The following NEBL variants were observed in gnomAD, a reference collection of about 807,000 sequenced individuals.
NEBL encodes the protein nebulette.
NEBL carries 122 observed loss-of-function variants against 140.2 expected under a neutral mutation model. The observed-to-expected ratio is 0.87, with a 90% CI of 0.75 to 1.01. NEBL has a LOEUF of 1.01. Ranked by LOEUF, NEBL falls within the 50% of genes least tolerant of loss-of-function variation. The pLI, the probability that NEBL is intolerant of heterozygous loss-of-function variation, is 0.00. For missense variants in NEBL, 1,365 were observed against 1,231.3 expected (o/e 1.11, Z -1.62); for synonymous variants, 436 against 398.9 (o/e 1.09, Z -1.11).
At chr10:20,826,094 A>G (rs1317316678) in intron 18 of NEBL, among the ~76,000 whole-genome samples, 2 of 152,202 alleles carry the variant, frequency 1.3e-5, no homozygotes, top group African/African-American at 4.8e-5. Context: ...TGTATCAGGG[A>G]AAAATTTCTT....
chr10:21,061,958 T>C (rs1424737223), intron 2 of NEBL, among the ~76,000 whole-genome samples: 1 of 152,228 alleles, frequency 6.6e-6, no homozygotes, highest in Admixed American at 6.5e-5. Context: ...ACATGTCTGC[T>C]TCTGCAGGCT....
chr10:20,817,667 C>A lies in NEBL; in HGVS notation c.2081G>T (p.Arg694Leu). ...SAVKYKGELQ[R>L]GTAISDPPEL... is the part of the protein sequence containing the mutation. The stretch of plus-strand genomic sequence containing the variant: ...TGGTGGATCAGAAATTGCAGTTCCC[C>A]GTTGAAGTTCTCCCTTATATTTTAC... Residue 694 changes from arginine to leucine, a missense_variant, in exon 21 of 28, where the codon CGG becomes CTG. By Grantham distance (102) the Arg-to-Leu change is moderately radical (BLOSUM62 -2). Transcript: ENST00000377122. 1 of 1,613,476 alleles carries A rather than the reference C, an allele frequency of 6.2e-7. No homozygotes were observed. Among genetic ancestry groups the A allele is most frequent in the Non-Finnish European group, 8.5e-7 (1 of 1,179,502 alleles).
In NEBL at chr10:21,233,481, A is replaced by G. The variant is rs545843835; in HGVS notation, n.348+14440T>C. ...ATACTAACACACATCCAGCAGAGATATAGATAAATGTATGCATACATAACT... is the reference window on the plus strand; with the variant it reads ...ATACTAACACACATCCAGCAGAGATGTAGATAAATGTATGCATACATAACT... On this transcript the variant is annotated intron_variant and non_coding_transcript_variant, in intron 3 of 8. Transcript: ENST00000675702. 2.0e-5 allele frequency among the ~76,000 whole-genome samples: 3 copies of G among 151,908 alleles called. No homozygotes were observed. The Admixed American group carries it at 2.0e-4, about 10-fold the overall frequency.
Position 20,933,784 on chromosome 10 carries a change from C to T in NEBL, c.357+27888G>A, listed in dbSNP as rs183680631. ...CATAAGAAAATACAATAAAGCCTCA[C>T]GGTTTGGTGAATTCAGATACAACAC... On this transcript the variant is annotated intron_variant, in intron 4 of 6. Coordinates refer to the NEBL transcript ENST00000417816. 5.3e-5 allele frequency among the ~76,000 whole-genome samples: 8 copies of T among 152,176 alleles called. No homozygotes were observed. The East Asian group carries it at 5.8e-4, about 11-fold the overall frequency.
intron 3 of NEBL, among the ~76,000 whole-genome samples, chr10:21,002,455 G>A (rs370266379): frequency 3.2e-4 from 49 of 152,210 alleles, no homozygotes; most frequent in African/African-American, 1.2e-3. Context: ...TTTTATTACA[G>A]AAATAAATTC....
intron 3 of NEBL, among the ~76,000 whole-genome samples, chr10:20,992,765 C>CTTTTTTTTTTTTTTTTTT (rs35627113): frequency 1.9e-5 from 1 of 52,452 alleles, no homozygotes; most frequent in African/African-American, 8.5e-5. Flanking sequence ...ACTACAAAGT[C>CTTTTTTTTTTTTTTTTTT]TTTTTTTTTT....
At position 21,034,943 on chromosome 10, in the gene NEBL, CTTATTTATTTAT is replaced by C. The variant is rs199827432; in HGVS notation, c.165-14754_165-14743del. ...GCCCAGCATGCACTAGCTATTTATT[CTTATTTATTTAT>C]TTATTTATTTATTTATTTATTTATT... On this transcript the variant is annotated intron_variant, in intron 2 of 6. Coordinates refer to the NEBL transcript ENST00000417816. Among the ~76,000 whole-genome samples the C allele has an allele frequency of 4.3e-3, 619 of 142,316 alleles. 7 individuals carry two copies. The highest frequency in any genetic ancestry group is 0.012 in the African/African-American group (449 of 38,304). The allele number at this position is 142,316 out of a possible 152,430, so 93.4% of individuals were successfully genotyped here.
chr10:21,103,042 T>G (rs1423877515), intron 2 of NEBL, among the ~76,000 whole-genome samples: 3 of 142,992 alleles, frequency 2.1e-5, no homozygotes, highest in African/African-American at 7.7e-5. Context: ...GGCACACATA[T>G]GTTTTTATTT....
At chr10:20,814,848 C>G (rs1838564897) in intron 22 of NEBL, among the ~76,000 whole-genome samples, 1 of 152,156 alleles carries the variant, frequency 6.6e-6, no homozygotes, top group Non-Finnish European at 1.5e-5. Context: ...GCAGCCACAA[C>G]TTAAAGGTAA....
In NEBL at chr10:20,823,295, T is replaced by C; in HGVS notation, c.1875A>G (p.Lys625=). Residue 625 remains lysine (K), a synonymous_variant, in exon 19 of 28, where the codon AAA becomes AAG. Transcript: ENST00000377122. ...TTGCATGTTTAATCTCTTCTTTGTA[T>C]TTCACCTGCATAATTTATAAGAATA... ...KKNQQNISSV[K]YKEEIKHATA... The C allele has an allele frequency of 6.2e-7, 1 of 1,600,588 alleles. No homozygotes were observed. Among genetic ancestry groups the C allele is most frequent in the Non-Finnish European group, 8.5e-7 (1 of 1,171,062 alleles).
At chr10:21,050,417 A>T (rs1446669209) in intron 2 of NEBL, among the ~76,000 whole-genome samples, 1 of 152,158 alleles carries the variant, frequency 6.6e-6, no homozygotes, top group East Asian at 1.9e-4. Flanking sequence ...CAGGTGAGAA[A>T]ATTCAAAGAC....
At chr10:21,228,582 C>T (rs979474701) in intron 3 of NEBL, among the ~76,000 whole-genome samples, 1 of 152,090 alleles carries the variant, frequency 6.6e-6, no homozygotes, top group Admixed American at 6.6e-5. Flanking sequence ...TACATTTTTA[C>T]AGATTAGAAT....
intron 3 of NEBL, among the ~76,000 whole-genome samples, chr10:20,966,202 G>A (rs542861004): frequency 3.3e-5 from 5 of 152,248 alleles, no homozygotes; most frequent in Admixed American, 1.3e-4. Context: ...GACATTCTAC[G>A]TGTCTGTGTG....
intron 3 of NEBL, among the ~76,000 whole-genome samples, chr10:21,196,803 G>T (rs1419514966): frequency 6.6e-6 from 1 of 152,132 alleles, no homozygotes; most frequent in African/African-American, 2.4e-5. Context: ...ACCACTCATT[G>T]GTATCACTTT....
At chr10:21,155,037 A>C (rs1436510859) in intron 2 of NEBL, among the ~76,000 whole-genome samples, 1 of 152,142 alleles carries the variant, frequency 6.6e-6, no homozygotes, top group East Asian at 1.9e-4. Flanking sequence ...CATATCTACT[A>C]CAAATACAAA....
intron 4 of NEBL, among the ~76,000 whole-genome samples, chr10:20,950,894 C>T (rs1835427517): frequency 6.6e-6 from 1 of 152,114 alleles, no homozygotes; most frequent in African/African-American, 2.4e-5. Flanking sequence ...ACTCTCTTTC[C>T]TGGTTTGCTA....
intron 3 of NEBL, among the ~76,000 whole-genome samples, chr10:20,969,688 G>A (rs935559853): frequency 2.0e-5 from 3 of 151,504 alleles, no homozygotes; most frequent in African/African-American, 7.3e-5. Context: ...TGGGATTACA[G>A]GCGTACACCA....
At chr10:20,851,693 G>A (rs1206161157) in intron 10 of NEBL, among the ~76,000 whole-genome samples, 4 of 152,024 alleles carry the variant, frequency 2.6e-5, no homozygotes, top group African/African-American at 9.7e-5. Flanking sequence ...GCTGAGGCAG[G>A]AGAATCGCTT....
chr10:21,062,184 T>C (rs903459361), intron 2 of NEBL, among the ~76,000 whole-genome samples: 1 of 152,132 alleles, frequency 6.6e-6, no homozygotes, highest in Admixed American at 6.5e-5. Flanking sequence ...GCAGGTGCAA[T>C]GGGACAAATC....
Sources: gnomAD v4.1 joint callset for allele counts (sites outside exome capture counted in the v4.1 genomes callset) on GRCh38, gnomAD v4.1.1 for gene constraint, MANE v1.5 for transcripts, NCBI Gene and HGNC (gene_info 2026-07-23, HGNC 2026-07-21) for gene names.